The following MDFIC2 variants were observed in gnomAD, a reference collection of about 807,000 sequenced individuals.
The protein encoded by MDFIC2 is myoD family inhibitor domain-containing protein 2.
chr3:70,262,591 G>A (rs1158998288), intron 2 of MDFIC2, among the ~76,000 whole-genome samples: 1 of 152,126 alleles, frequency 6.6e-6, no homozygotes, highest in Non-Finnish European at 1.5e-5. Flanking sequence ...GAAGTTGCAT[G>A]TAATATTATA....
intron 2 of MDFIC2, among the ~76,000 whole-genome samples, chr3:70,289,554 C>T (rs1490071825): frequency 5.4e-5 from 8 of 148,054 alleles, no homozygotes; most frequent in African/African-American, 2.0e-4. Context: ...TTGCTCTTCT[C>T]GAGGAGTATC....
chr3:70,220,891 A>G (rs1701456027), intron 2 of MDFIC2, among the ~76,000 whole-genome samples: 2 of 152,146 alleles, frequency 1.3e-5, no homozygotes, highest in South Asian at 4.1e-4. Flanking sequence ...GAGGGGAACC[A>G]TGCCTTGGCA....
At chr3:70,280,773 A>G (rs1398857900) in intron 2 of MDFIC2, among the ~76,000 whole-genome samples, 1 of 152,144 alleles carries the variant, frequency 6.6e-6, no homozygotes, top group Admixed American at 6.6e-5. Context: ...CCGGCCATAG[A>G]GACATGATCT....
intron 2 of MDFIC2, among the ~76,000 whole-genome samples, chr3:70,302,960 C>A (rs1284500999): frequency 2.0e-5 from 3 of 151,986 alleles, no homozygotes; most frequent in African/African-American, 7.2e-5. Flanking sequence ...ATTTGTTGGC[C>A]TATGAGAACA....
At chr3:70,282,236 C>T (rs573939904) in intron 2 of MDFIC2, among the ~76,000 whole-genome samples, 18 of 152,272 alleles carry the variant, frequency 1.2e-4, no homozygotes, top group African/African-American at 4.3e-4. Context: ...GATTGGCTTT[C>T]TGTGCAGTGA....
At chr3:70,243,402 G>A (rs1268171976) in intron 2 of MDFIC2, among the ~76,000 whole-genome samples, 2 of 152,182 alleles carry the variant, frequency 1.3e-5, no homozygotes, top group African/African-American at 2.4e-5. Flanking sequence ...TAATAGGCCA[G>A]TGTGAAATTC....
intron 2 of MDFIC2, among the ~76,000 whole-genome samples, chr3:70,235,617 T>C (rs1228839007): frequency 2.0e-5 from 3 of 152,188 alleles, no homozygotes; most frequent in African/African-American, 7.2e-5. Flanking sequence ...AATCCTGGTT[T>C]TTCTCCTCTT....
At chr3:70,257,004 C>A (rs1181031387) in intron 2 of MDFIC2, among the ~76,000 whole-genome samples, 1 of 152,074 alleles carries the variant, frequency 6.6e-6, no homozygotes, top group African/African-American at 2.4e-5. Context: ...GAGGGCAAGT[C>A]CAGTGGTGGA....
At chr3:70,308,336 C>T (rs1195367812) in intron 2 of MDFIC2, among the ~76,000 whole-genome samples, 2 of 152,196 alleles carry the variant, frequency 1.3e-5, no homozygotes, top group East Asian at 3.9e-4. Context: ...AGATTATAGG[C>T]ATGAGTCACT....
At chr3:70,267,128 A>G (rs1313353641) in intron 2 of MDFIC2, among the ~76,000 whole-genome samples, 2 of 152,190 alleles carry the variant, frequency 1.3e-5, no homozygotes, top group African/African-American at 4.8e-5. Flanking sequence ...GAGAATAGGA[A>G]GTACCAAGCT....
chr3:70,226,719 C>G (rs1347078462), intron 2 of MDFIC2, among the ~76,000 whole-genome samples: 2 of 127,148 alleles, frequency 1.6e-5, no homozygotes, highest in Non-Finnish European at 3.2e-5. Flanking sequence ...GCCTGGGCAA[C>G]AGAGAGAGAC....
chr3:70,227,837 A>G (rs745436665), intron 2 of MDFIC2, among the ~76,000 whole-genome samples: 1 of 152,168 alleles, frequency 6.6e-6, no homozygotes, highest in Non-Finnish European at 1.5e-5. Flanking sequence ...ATAAATGCAG[A>G]TAGTAGTAAG....
At chr3:70,224,821 GT>G (rs778734450) in intron 2 of MDFIC2, among the ~76,000 whole-genome samples, 5 of 151,980 alleles carry the variant, frequency 3.3e-5, no homozygotes, top group East Asian at 1.9e-4. Flanking sequence ...AATTTTTGCA[GT>G]TTCCCCCCCC....
intron 2 of MDFIC2, among the ~76,000 whole-genome samples, chr3:70,267,142 A>AT (rs1441142657): frequency 6.6e-6 from 1 of 152,144 alleles, no homozygotes; most frequent in African/African-American, 2.4e-5. Flanking sequence ...CCAAGCTTCT[A>AT]TTTTTATAAA....
intron 2 of MDFIC2, among the ~76,000 whole-genome samples, chr3:70,301,276 T>A (rs1169751799): frequency 6.6e-6 from 1 of 152,122 alleles, no homozygotes; most frequent in Non-Finnish European, 1.5e-5. Flanking sequence ...TTTTAAATTT[T>A]AAGGTAAATC....
chr3:70,245,627 G>T (rs1032292983), intron 2 of MDFIC2, among the ~76,000 whole-genome samples: 1 of 133,806 alleles, frequency 7.5e-6, no homozygotes, highest in Non-Finnish European at 1.6e-5. Context: ...TTTCTACAAA[G>T]AAATCAGAAT....
intron 2 of MDFIC2, among the ~76,000 whole-genome samples, chr3:70,237,500 C>T (rs1045956950): frequency 6.6e-6 from 1 of 152,172 alleles, no homozygotes; most frequent in African/African-American, 2.4e-5. Context: ...ATGTTAACTC[C>T]ATGTTCTGTC....
chr3:70,232,415 T>C (rs1486441615), intron 2 of MDFIC2, among the ~76,000 whole-genome samples: 3 of 151,998 alleles, frequency 2.0e-5, no homozygotes, highest in Non-Finnish European at 4.4e-5. Flanking sequence ...TTTTTTTTTT[T>C]TTCTTGCGAT....
chr3:70,297,101 A>G (rs1702297006), intron 2 of MDFIC2, among the ~76,000 whole-genome samples: 1 of 152,154 alleles, frequency 6.6e-6, no homozygotes, highest in East Asian at 1.9e-4. Context: ...TTGAAATGAT[A>G]GACACCTATT....
Sources: allele counts gnomAD v4.1 joint callset (sites outside exome capture counted in the v4.1 genomes callset), GRCh38; gene constraint gnomAD v4.1.1; transcripts MANE v1.5; gene names NCBI Gene and HGNC (gene_info 2026-07-23, HGNC 2026-07-21).